MAST4: variants seen among roughly 807,000 people sequenced by gnomAD.
The protein encoded by MAST4 is microtubule associated serine/threonine kinase family member 4.
A neutral mutation model predicts 162.7 loss-of-function variants in MAST4; 89 were observed. The ratio of observed to expected loss-of-function variants is 0.55; its 90% CI spans 0.46 to 0.65. The LOEUF (loss-of-function observed/expected upper bound fraction) is 0.65. Ranked by LOEUF, MAST4 falls within the 30% of genes least tolerant of loss-of-function variation. The probability of loss-of-function intolerance (pLI) is 0.00; values close to 1 mark genes in which losing one functional copy is unlikely to be tolerated. For missense variants in MAST4, 3,153 were observed against 3,374.0 expected (o/e 0.93, Z 1.62); for synonymous variants, 1,479 against 1,361.1 (o/e 1.09, Z -1.91).
At chr5:66,881,444 C>G (rs188315115) in intron 3 of MAST4, among the ~76,000 whole-genome samples, 1 of 152,342 alleles carries the variant, frequency 6.6e-6, no homozygotes, top group East Asian at 1.9e-4. Context: ...GTCCATTTCT[C>G]TTTCCTAACA....
At chr5:67,136,770 G>A (rs1388490308) in intron 19 of MAST4, 106 bp downstream of exon 19, 4 of 772,130 alleles carry the variant, frequency 5.2e-6, no homozygotes, top group African/African-American at 1.7e-5. Flanking sequence ...GGCAACATCT[G>A]TTAGTTGATG....
At chr5:67,110,759 C>A (rs1189784539) in intron 11 of MAST4, among the ~76,000 whole-genome samples, 1 of 152,196 alleles carries the variant, frequency 6.6e-6, no homozygotes, top group Non-Finnish European at 1.5e-5. Flanking sequence ...TGTGGTGGCT[C>A]ACGCCTGTAA....
intron 3 of MAST4, among the ~76,000 whole-genome samples, chr5:66,861,237 A>T (rs1177685577): frequency 6.6e-6 from 1 of 152,192 alleles, no homozygotes. Flanking sequence ...AATGTAAAAA[A>T]TGCTTAAAAT....
chr5:66,676,386 A>G (rs971691899), intron 1 of MAST4, among the ~76,000 whole-genome samples: 3 of 152,196 alleles, frequency 2.0e-5, no homozygotes, highest in African/African-American at 7.2e-5. Context: ...GGGATATTCA[A>G]ATATTTAACA....
At position 66,715,541 on chromosome 5, in the gene MAST4, G is replaced by A. The variant is rs1418381770; in HGVS notation, c.364-44168G>A. 1.7e-4 allele frequency among the ~76,000 whole-genome samples: 22 copies of A among 132,796 alleles called. 1 individual carries two copies. The Admixed American group carries it at 1.7e-3, about 10-fold the overall frequency. 87.1% of individuals were successfully genotyped at this position (132,796 alleles called of 152,430 possible). A position where few individuals can be genotyped will look rare whatever the true frequency, so the allele number is the denominator to read the frequency against. ...GTTGTGGGGTGGGGGGAGGGGGGAGGTATAGCATTAGGAGATATACCTAAT... is the reference window on the plus strand; with the variant it reads ...GTTGTGGGGTGGGGGGAGGGGGGAGATATAGCATTAGGAGATATACCTAAT... On this transcript the variant is annotated intron_variant, in intron 1 of 28. Transcript: ENST00000403625.
At position 66,895,490 on chromosome 5, in the gene MAST4, A is replaced by G. The variant is rs1363848769; in HGVS notation, c.643-4461A>G. Among the ~76,000 whole-genome samples the G allele has an allele frequency of 2.0e-5, 3 of 152,116 alleles. No individual in the cohort carries two copies. The East Asian group carries it at 5.8e-4, about 29-fold the overall frequency. On this transcript the variant is annotated intron_variant, in intron 3 of 28. Coordinates refer to ENST00000403625, the MANE Select transcript of MAST4 (RefSeq NM_001164664.2). ...TTCTACTTGGAATTCTTACAGACAG[A>G]CATCTTGAATGTAGCATGTCAAAAG...
At chr5:66,935,474 T>C (rs1346278007) in intron 4 of MAST4, among the ~76,000 whole-genome samples, 1 of 152,032 alleles carries the variant, frequency 6.6e-6, no homozygotes, top group Non-Finnish European at 1.5e-5. Flanking sequence ...ATCCCTCCTT[T>C]AAATTCCCTC....
chr5:67,016,965 G>A (rs1330477170), intron 4 of MAST4, among the ~76,000 whole-genome samples: 1 of 152,212 alleles, frequency 6.6e-6, no homozygotes, highest in East Asian at 1.9e-4. Context: ...AGATTTTAGA[G>A]ATGATTTACT....
At chr5:67,078,911 A>AATATATATAT (rs750951069) in intron 5 of MAST4, among the ~76,000 whole-genome samples, 9 of 38,092 alleles carry the variant, frequency 2.4e-4, no homozygotes, top group African/African-American at 6.2e-4. Context: ...TTTTTATATA[A>AATATATATAT]ATATATATAT....
chr5:66,780,996 T>A (rs1489257179), intron 2 of MAST4, among the ~76,000 whole-genome samples: 2 of 152,224 alleles, frequency 1.3e-5, no homozygotes, highest in Non-Finnish European at 2.9e-5. Flanking sequence ...GGTTTATTTC[T>A]TTCAGCATGT....
chr5:66,706,304 A>G (rs1750121782), intron 1 of MAST4, among the ~76,000 whole-genome samples: 3 of 152,320 alleles, frequency 2.0e-5, no homozygotes, highest in East Asian at 3.9e-4. Context: ...AATCCACACC[A>G]GGGGCAGAGA....
intron 4 of MAST4, among the ~76,000 whole-genome samples, chr5:66,988,287 A>G (rs1322551175): frequency 2.0e-5 from 3 of 152,188 alleles, no homozygotes; most frequent in Non-Finnish European, 1.5e-5. Context: ...TTTTAGAGAA[A>G]AAACTTTGGG....
At chr5:66,676,004 A>G (rs982997269) in intron 1 of MAST4, among the ~76,000 whole-genome samples, 5 of 152,294 alleles carry the variant, frequency 3.3e-5, no homozygotes, top group Non-Finnish European at 7.4e-5. Context: ...ATCACAAGGT[A>G]GAGATTTGCC....
intron 1 of MAST4, among the ~76,000 whole-genome samples, chr5:66,746,912 C>A (rs1456343179): frequency 2.6e-5 from 4 of 152,040 alleles, no homozygotes; most frequent in Non-Finnish European, 5.9e-5. Flanking sequence ...AAACTATGCA[C>A]AAAGTGTGCC....
intron 9 of MAST4, among the ~76,000 whole-genome samples, chr5:67,103,599 A>G (rs1765272380): frequency 6.6e-6 from 1 of 152,192 alleles, no homozygotes; most frequent in Non-Finnish European, 1.5e-5. Flanking sequence ...GGGTGACCAG[A>G]GAGAATGAAA....
chr5:67,113,477 C>A (rs1766510902), intron 11 of MAST4, among the ~76,000 whole-genome samples: 1 of 152,004 alleles, frequency 6.6e-6, no homozygotes, highest in African/African-American at 2.4e-5. Context: ...AAAATATATT[C>A]CCAAAGTTTT....
At chr5:66,812,762 G>T (rs1015723311) in intron 3 of MAST4, among the ~76,000 whole-genome samples, 2 of 152,156 alleles carry the variant, frequency 1.3e-5, no homozygotes, top group Non-Finnish European at 2.9e-5. Context: ...GTGCTGCGGG[G>T]CGCTGTCAGT....
chr5:66,714,770 G>GCC (rs1033505687), intron 1 of MAST4, among the ~76,000 whole-genome samples: 65 of 152,310 alleles, frequency 4.3e-4, no homozygotes, highest in African/African-American at 1.4e-3. Context: ...CTGAGTGGGA[G>GCC]CCCCTGCTCA....
At chr5:66,603,722 T>C (rs1225170288) in intron 1 of MAST4, among the ~76,000 whole-genome samples, 1 of 152,206 alleles carries the variant, frequency 6.6e-6, no homozygotes, top group Non-Finnish European at 1.5e-5. Flanking sequence ...AAAATGCAAA[T>C]AACCTAGTAG....
Sources: allele counts gnomAD v4.1 joint callset (sites outside exome capture counted in the v4.1 genomes callset), GRCh38; gene constraint gnomAD v4.1.1; transcripts MANE v1.5; gene names NCBI Gene and HGNC (gene_info 2026-07-23, HGNC 2026-07-21).